Variants in FIRRM observed in about 807,000 individuals in gnomAD.
The protein encoded by FIRRM is FIGNL1 interacting regulator of recombination and mitosis, also known as FIGNL1-interacting regulator of recombination and mitosis.
chr1:169,803,036 A>G, the FIRRM span: 1 of 787,958 alleles, frequency 1.3e-6, no homozygotes, highest in South Asian at 1.9e-5. Flanking sequence ...GTTCTGATAG[A>G]CTAAAGTTCT....
At chr1:169,823,334 A>C in the FIRRM span, 1 of 801,002 alleles carries the variant, frequency 1.2e-6, no homozygotes, top group Non-Finnish European at 2.0e-6. Flanking sequence ...GTTATTTTGC[A>C]TACCTTTGTG....
the FIRRM span, among the ~76,000 whole-genome samples, chr1:169,796,994 A>G: frequency 6.6e-6 from 1 of 152,216 alleles, no homozygotes; most frequent in Non-Finnish European, 1.5e-5. Context: ...TCAGTTTTCT[A>G]AAAAGCACAT....
chr1:169,814,855 G>T, the FIRRM span, among the ~76,000 whole-genome samples: 1 of 152,116 alleles, frequency 6.6e-6, no homozygotes, highest in African/African-American at 2.4e-5. Flanking sequence ...GACCACATGG[G>T]GGTTGGCACC....
chr1:169,796,123 C>T, the FIRRM span: 4 of 328,008 alleles, frequency 1.2e-5, no homozygotes, highest in Non-Finnish European at 1.3e-5. Context: ...CCTATGTAAT[C>T]ACATAGAAGT....
At chr1:169,822,863 T>C in the FIRRM span, among the ~76,000 whole-genome samples, 1 of 152,220 alleles carries the variant, frequency 6.6e-6, no homozygotes, top group Non-Finnish European at 1.5e-5. Context: ...GCAGCCCTCT[T>C]TAAAATTATG....
chr1:169,832,601 T>C, the FIRRM span: 2 of 921,902 alleles, frequency 2.2e-6, no homozygotes, highest in African/African-American at 3.4e-5. Context: ...TTTTTAAAAA[T>C]TTATCTTATT....
the FIRRM span, among the ~76,000 whole-genome samples, chr1:169,838,047 C>A: frequency 6.6e-6 from 1 of 152,140 alleles, no homozygotes; most frequent in Non-Finnish European, 1.5e-5. Flanking sequence ...AGGCAATTCT[C>A]CTGCCTCAGC....
At chr1:169,831,027 T>C in the FIRRM span, among the ~76,000 whole-genome samples, 1 of 152,214 alleles carries the variant, frequency 6.6e-6, no homozygotes, top group South Asian at 2.1e-4. Flanking sequence ...ACATTTAAAA[T>C]TGAATGCAAA....
chr1:169,843,920 T>C, the FIRRM span: 26 of 610,726 alleles, frequency 4.3e-5, no homozygotes, highest in East Asian at 7.2e-4. Context: ...CTCATTTCTC[T>C]TTCTTCCTTA....
the FIRRM span, among the ~76,000 whole-genome samples, chr1:169,811,499 A>T: frequency 6.6e-6 from 1 of 152,088 alleles, no homozygotes. Flanking sequence ...TACAAAAAAT[A>T]AAAAAATTCT....
At chr1:169,787,403 A>T in the FIRRM span, among the ~76,000 whole-genome samples, 1 of 152,160 alleles carries the variant, frequency 6.6e-6, no homozygotes, top group East Asian at 1.9e-4. Flanking sequence ...TCCCCACCTC[A>T]AAAGTCACTA....
At chr1:169,804,827 C>T in the FIRRM span, among the ~76,000 whole-genome samples, 3 of 152,204 alleles carry the variant, frequency 2.0e-5, no homozygotes, top group East Asian at 3.9e-4. Flanking sequence ...GGATTATAGG[C>T]GTCCGCCACC....
At chr1:169,853,400 C>G in the FIRRM span, 2 of 359,244 alleles carry the variant, frequency 5.6e-6, no homozygotes. Context: ...TTCTTTACTT[C>G]CAGAATTGTC....
the FIRRM span, chr1:169,827,875 A>G: frequency 2.4e-5 from 39 of 1,606,528 alleles, no homozygotes; most frequent in South Asian, 7.7e-5. Context: ...CATATTACCA[A>G]TGGTTAAGAA....
the FIRRM span, among the ~76,000 whole-genome samples, chr1:169,811,008 T>C: frequency 3.3e-5 from 5 of 151,586 alleles, no homozygotes; most frequent in East Asian, 1.9e-4. Flanking sequence ...TACAGGCGCC[T>C]GCCACCGCGC....
the FIRRM span, chr1:169,806,085 TTAAG>T: frequency 9.6e-6 from 15 of 1,566,268 alleles, no homozygotes; most frequent in South Asian, 1.2e-5. Flanking sequence ...AAGTTTATAA[TTAAG>T]TAAGTTTGTT....
the FIRRM span, chr1:169,800,774 A>C: frequency 5.4e-6 from 2 of 369,810 alleles, no homozygotes; most frequent in Middle Eastern, 8.6e-4. Flanking sequence ...TGGTATTTTG[A>C]AAGTGTATCA....
chr1:169,823,433 C>G, the FIRRM span: 1 of 1,602,412 alleles, frequency 6.2e-7, no homozygotes, highest in Non-Finnish European at 8.5e-7. Context: ...CTCTCTGATT[C>G]TTGCTGTACT....
chr1:169,817,247 A>G, the FIRRM span, among the ~76,000 whole-genome samples: 1 of 152,298 alleles, frequency 6.6e-6, no homozygotes, highest in Non-Finnish European at 1.5e-5. Context: ...CTCTATTTTA[A>G]TGTCACAATT....
Sources: allele counts gnomAD v4.1 joint callset (sites outside exome capture counted in the v4.1 genomes callset), GRCh38; gene constraint gnomAD v4.1.1; transcripts MANE v1.5; gene names NCBI Gene and HGNC (gene_info 2026-07-23, HGNC 2026-07-21).